Variants in TRAK2 observed in about 807,000 individuals in gnomAD.
TRAK2 encodes trafficking kinesin protein 2.
TRAK2 carries 81 observed loss-of-function variants against 104.6 expected under a neutral mutation model. That is an observed-to-expected ratio of 0.77 (90% CI 0.65 to 0.93). The LOEUF (loss-of-function observed/expected upper bound fraction) is 0.93. Among genes scored for constraint, TRAK2 ranks in the 40% least tolerant of loss-of-function variants. The pLI is 0.00. For synonymous variants in TRAK2, 406 were observed against 394.4 expected (o/e 1.03, Z -0.35); for missense variants, 1,002 against 1,089.0 (o/e 0.92, Z 1.12).
rs13022344 is a variant in TRAK2 at position 201,399,433 on chromosome 2, C to T, written c.424G>A (p.Val142Ile). 0.65 allele frequency: 1,049,378 copies of T among 1,610,932 alleles called. 347,469 individuals carry two copies. Among genetic ancestry groups the T allele is most frequent in the South Asian group, 0.69 (62,396 of 90,682 alleles). Residue 142 changes from valine to isoleucine, a missense_variant, in exon 5 of 16, where the codon GTC becomes ATC. Coordinates refer to ENST00000332624, the MANE Select transcript of TRAK2 (RefSeq NM_015049.3). ...IGQALLKRNH[V>I]LSEQNESLEE... ...AGGGATTCGTTCTGCTCAGATAAGA[C>T]ATGGTTCCGCTTTAAGAGAGCTTGT...
At chr2:201,404,065 C>A (rs1576516754) in intron 3 of TRAK2, among the ~76,000 whole-genome samples, 1 of 152,262 alleles carries the variant, frequency 6.6e-6, no homozygotes, top group South Asian at 2.1e-4. Context: ...CACAATACTC[C>A]TGATAAAGAC....
At chr2:201,418,306 A>C (rs1487335605) in intron 2 of TRAK2, among the ~76,000 whole-genome samples, 1 of 152,166 alleles carries the variant, frequency 6.6e-6, no homozygotes, top group Non-Finnish European at 1.5e-5. Context: ...CAGCTTCCCT[A>C]GTAGCTGGGA....
chr2:201,379,944 G>A lies in TRAK2; in HGVS notation c.*599C>T, dbSNP rs1262517789. The A allele has an allele frequency of 6.6e-6, 1 of 152,086 alleles. No homozygotes were observed. The highest frequency in any genetic ancestry group is 2.4e-5 in the African/African-American group (1 of 41,364). 9.4% of individuals were successfully genotyped at this position (152,086 alleles called of 1,614,324 possible). On this transcript the variant is annotated 3_prime_UTR_variant, in exon 16 of 16. Transcript: ENST00000332624. ...AGGCCTGAAAACAGAAAGGAAAATA[G>A]GAGTCTCCACCTGTGATTCAATGAA...
At chr2:201,428,480 G>A (rs1341500646) in intron 1 of TRAK2, among the ~76,000 whole-genome samples, 1 of 152,196 alleles carries the variant, frequency 6.6e-6, no homozygotes, top group Admixed American at 6.5e-5. Flanking sequence ...GATGGTTGTA[G>A]ATGTGTGGTA....
At chr2:201,389,780 A>G in intron 11 of TRAK2, 21 bp downstream of exon 11, 1 of 1,580,914 alleles carries the variant, frequency 6.3e-7, no homozygotes, top group Non-Finnish European at 8.6e-7. Context: ...TTGAGTAACA[A>G]CACATGTGAC....
intron 14 of TRAK2, among the ~76,000 whole-genome samples, chr2:201,384,472 A>G (rs941469696): frequency 2.6e-5 from 4 of 152,284 alleles, no homozygotes; most frequent in African/African-American, 7.2e-5. Flanking sequence ...CTGAAAAAAT[A>G]CATTAAAAAA....
intron 1 of TRAK2, among the ~76,000 whole-genome samples, chr2:201,425,849 C>G (rs1236894134): frequency 1.3e-5 from 2 of 152,100 alleles, no homozygotes; most frequent in Non-Finnish European, 2.9e-5. Context: ...GATTCTCAAA[C>G]AGAGCTGCGG....
intron 1 of TRAK2, among the ~76,000 whole-genome samples, chr2:201,434,418 T>C (rs1262816292): frequency 6.6e-6 from 1 of 152,090 alleles, no homozygotes. Flanking sequence ...TATGCACATA[T>C]AAAACAAACA....
intron 5 of TRAK2, among the ~76,000 whole-genome samples, chr2:201,398,946 C>T: frequency 6.6e-6 from 1 of 152,068 alleles, no homozygotes. Flanking sequence ...TAAGTCAGTT[C>T]TCACTACAAA....
At chr2:201,438,437 T>G (rs895329709) in intron 1 of TRAK2, among the ~76,000 whole-genome samples, 1 of 152,226 alleles carries the variant, frequency 6.6e-6, no homozygotes, top group African/African-American at 2.4e-5. Flanking sequence ...CCTCCTTTAA[T>G]CCTCACAATT....
At chr2:201,421,162 T>C (rs1334904027) in intron 1 of TRAK2, among the ~76,000 whole-genome samples, 4 of 152,176 alleles carry the variant, frequency 2.6e-5, no homozygotes, top group East Asian at 3.8e-4. Flanking sequence ...ACTAATAATA[T>C]ATTGTAGAGT....
chr2:201,389,337 G>C lies in TRAK2; in HGVS notation c.1360C>G (p.Leu454Val), dbSNP rs775340113. 1 of 1,614,174 alleles carries C rather than the reference G, an allele frequency of 6.2e-7. No homozygotes were observed. The highest frequency in any genetic ancestry group is 8.5e-7 in the Non-Finnish European group (1 of 1,180,026). ...TCTGAGCTGCTCCCCTGGTTCAGGA[G>C]TGATTTGTCCTCTGTTTGCTGAAGA... is the stretch of plus-strand genomic sequence containing the variant. Reference protein sequence around the residue: ...SGLQQTEDKSLLNQGSSSEEV... With the variant: ...SGLQQTEDKSVLNQGSSSEEV... Residue 454 changes from leucine (L) to valine (V), a missense_variant, in exon 12 of 16, where the codon CTC becomes GTC. By Grantham distance (32) the Leu-to-Val change is conservative. Transcript: ENST00000332624.
intron 2 of TRAK2, among the ~76,000 whole-genome samples, chr2:201,417,241 C>CAAAAAAAAAAAAAAAAAAGAAAAAAAA (rs1169357745): frequency 1.1e-5 from 1 of 88,432 alleles, no homozygotes; most frequent in African/African-American, 4.7e-5. Context: ...GAAGACATTG[C>CAAAAAAAAAAAAAAAAAAGAAAAAAAA]AAAAAAAAAA....
intron 14 of TRAK2, 67 bp from the exon 15 acceptor site, chr2:201,384,283 C>A: frequency 8.6e-7 from 1 of 1,163,784 alleles, no homozygotes; most frequent in Non-Finnish European, 1.3e-6. Context: ...AAAAGCTCAT[C>A]ATTATTTATT....
intron 1 of TRAK2, among the ~76,000 whole-genome samples, chr2:201,446,609 G>A (rs1951965940): frequency 6.6e-6 from 1 of 152,190 alleles, no homozygotes; most frequent in Non-Finnish European, 1.5e-5. Context: ...GTAAAGCCAA[G>A]AACACAGACT....
intron 10 of TRAK2, among the ~76,000 whole-genome samples, chr2:201,390,414 A>AG (rs1951435609): frequency 6.7e-6 from 1 of 149,958 alleles, no homozygotes. Context: ...AAAAAAAAAA[A>AG]TTAGCCGGGT....
chr2:201,432,799 G>C (rs184330313), intron 1 of TRAK2, among the ~76,000 whole-genome samples: 3 of 152,074 alleles, frequency 2.0e-5, no homozygotes, highest in African/African-American at 7.2e-5. Flanking sequence ...CGTAGAGCCT[G>C]GGATTGCAAA....
At chr2:201,408,326 TAA>T (rs1168069479) in intron 2 of TRAK2, among the ~76,000 whole-genome samples, 1 of 152,252 alleles carries the variant, frequency 6.6e-6, no homozygotes, top group Non-Finnish European at 1.5e-5. Context: ...TTTTAATTTT[TAA>T]AAGTTTTTAT....
At chr2:201,438,706 C>T (rs1951897352) in intron 1 of TRAK2, among the ~76,000 whole-genome samples, 1 of 152,104 alleles carries the variant, frequency 6.6e-6, no homozygotes, top group Admixed American at 6.5e-5. Context: ...ATAGTGGTTA[C>T]TGAATATAGA....
Sources: gnomAD v4.1 joint callset for allele counts (sites outside exome capture counted in the v4.1 genomes callset) on GRCh38, gnomAD v4.1.1 for gene constraint, MANE v1.5 for transcripts, NCBI Gene and HGNC (gene_info 2026-07-23, HGNC 2026-07-21) for gene names.